Variants in ATP5PO observed in about 807,000 individuals in gnomAD.
ATP5PO encodes ATP synthase peripheral stalk subunit OSCP, mitochondrial.
ATP5PO carries 14 observed loss-of-function variants against 26.2 expected under a neutral mutation model. The observed-to-expected ratio is 0.53, with a 90% CI of 0.35 to 0.83. The LOEUF is 0.83. ATP5PO is among the 40% of genes least tolerant of loss of function. ATP5PO has a pLI of 0.01. For synonymous variants in ATP5PO, 106 were observed against 95.1 expected (o/e 1.12, Z -0.67); for missense variants, 241 against 258.5 (o/e 0.93, Z 0.46).
chr21:33,909,338 T>A, intron 3 of ATP5PO, 127 bp from the exon 4 acceptor site: 2 of 1,050,226 alleles, frequency 1.9e-6, no homozygotes, highest in Non-Finnish European at 2.7e-6. Context: ...TGGAGTGCAG[T>A]GGCGCAATCT....
chr21:33,914,066 C>G (rs1029298452), intron 2 of ATP5PO, among the ~76,000 whole-genome samples: 12 of 152,096 alleles, frequency 7.9e-5, no homozygotes, highest in African/African-American at 2.9e-4. Context: ...GCGTGAGCCA[C>G]CGCGCCCAGC....
intron 3 of ATP5PO, among the ~76,000 whole-genome samples, 177 bp from the exon 4 acceptor site, chr21:33,909,388 T>A (rs1393372363): frequency 6.6e-6 from 1 of 152,126 alleles, no homozygotes; most frequent in African/African-American, 2.4e-5. Context: ...CAAGCGATTA[T>A]CCTGCCTCAG....
In ATP5PO at chr21:33,907,419, G is replaced by C. The variant is rs1309588081; in HGVS notation, c.363C>G (p.Thr121=). Residue 121 remains threonine (T), a synonymous_variant, in exon 5 of 7, where the codon ACC becomes ACG. Coordinates refer to ENST00000290299, the MANE Select transcript of ATP5PO (RefSeq NM_001697.3). The part of the protein sequence containing the change: ...LLAENGRLSN[T]QGVVSAFSTM... ...TAGAAAAGGCAGAAACGACTCCTTGGGTATTGCTTAATCGACCATTTTCAG... is the reference window on the plus strand; with the variant it reads ...TAGAAAAGGCAGAAACGACTCCTTGCGTATTGCTTAATCGACCATTTTCAG... 3.1e-6 allele frequency: 5 copies of C among 1,613,966 alleles called. No homozygotes were observed. The highest frequency in any genetic ancestry group is 1.7e-5 in the Admixed American group (1 of 59,994).
At position 33,907,187 on chromosome 21, in the gene ATP5PO, G is replaced by A. The variant is rs113827617; in HGVS notation, c.441+154C>T. The A allele has an allele frequency of 1.8e-3, 1,204 of 652,406 alleles. 20 individuals are homozygous for A. In the African/African-American group the frequency reaches 0.019, roughly 10 times the overall value. The allele number at this position is 652,406 out of a possible 1,614,324, so 40.4% of individuals were successfully genotyped here. ...CACGCTGGCTTTTCCAAAGCAAAGG[G>A]TCACAGAAGCTGATATAAAAATGAA... On this transcript the variant is annotated intron_variant, in intron 5 of 6. Transcript: ENST00000290299.
chr21:33,911,892 A>G (rs1987254795), intron 3 of ATP5PO, among the ~76,000 whole-genome samples: 1 of 151,946 alleles, frequency 6.6e-6, no homozygotes, highest in African/African-American at 2.4e-5. Context: ...TCTTGAACTC[A>G]TGACCTCCTG....
At chr21:33,915,518 C>A in intron 1 of ATP5PO, 1 of 669,758 alleles carries the variant, frequency 1.5e-6, no homozygotes, top group Non-Finnish European at 2.4e-6. Context: ...GCCAAGGTTA[C>A]GGCACGCGCA....
intron 1 of ATP5PO, 162 bp from the exon 2 acceptor site, chr21:33,914,662 G>A (rs1987290981): frequency 1.7e-6 from 1 of 598,016 alleles, no homozygotes; most frequent in Non-Finnish European, 2.8e-6. Context: ...TATTACTAAG[G>A]GGTAAACTTA....
intron 3 of ATP5PO, among the ~76,000 whole-genome samples, chr21:33,911,600 A>G (rs1252430557): frequency 1.3e-5 from 2 of 152,116 alleles, no homozygotes; most frequent in Non-Finnish European, 2.9e-5. Context: ...AGGTTTCATG[A>G]AAACAAATTC....
chr21:33,908,166 G>C (rs890967320), intron 4 of ATP5PO, among the ~76,000 whole-genome samples: 5 of 89,798 alleles, frequency 5.6e-5, no homozygotes, highest in South Asian at 4.2e-4. Flanking sequence ...GGACACCCAG[G>C]CTCAAAAAAA....
rs1987130986 is a variant in ATP5PO, at chr21:33,903,634, A to C, written c.534T>G (p.Asp178Glu). ...GQVLKLEAKT[D>E]PSILGGMIVR... Reference sequence around the variant, plus strand: ...CAATCATTCCACCCAAGATTGACGGATCAGTCTACAAAAGAAGTAAGACTG... The same window carrying C: ...CAATCATTCCACCCAAGATTGACGGCTCAGTCTACAAAAGAAGTAAGACTG... The change falls in exon 7 of 7, where the codon GAT (aspartate) becomes GAG (glutamate). Residue 178 changes from aspartate (D) to glutamate (E), a missense_variant. By Grantham distance (45) the Asp-to-Glu change is conservative (BLOSUM62 2). Coordinates refer to ENST00000290299, the MANE Select transcript of ATP5PO (RefSeq NM_001697.3). 2 of 1,613,934 alleles carry C rather than the reference A, an allele frequency of 1.2e-6. No homozygotes were observed. The highest frequency in any genetic ancestry group is 1.7e-6 in the Non-Finnish European group (2 of 1,179,916).
intron 1 of ATP5PO, 84 bp from the exon 2 acceptor site, chr21:33,914,584 A>G (rs888707454): frequency 4.9e-5 from 62 of 1,269,288 alleles, no homozygotes; most frequent in Non-Finnish European, 4.2e-5. Context: ...AAAAATTTTA[A>G]ATAACCTTAA....
intron 3 of ATP5PO, among the ~76,000 whole-genome samples, chr21:33,911,788 G>C (rs369628514): frequency 6.8e-6 from 1 of 146,530 alleles, no homozygotes; most frequent in Non-Finnish European, 1.5e-5. Context: ...CTCAGCCTCC[G>C]GAGTAGCTGG....
rs1338570607 is a variant in ATP5PO, at chr21:33,915,783, G to C, written c.-20C>G. The C allele has an allele frequency of 1.3e-6, 2 of 1,562,404 alleles. No individual in the cohort carries two copies. Among genetic ancestry groups the C allele is most frequent in the East Asian group, 2.4e-5 (1 of 42,390 alleles). The stretch of plus-strand genomic sequence containing the variant: ...AGCCATCTTCTCCCGGGCGGCTGTA[G>C]GTCAAACCCGAGTGGGAAGAGAGAA... On this transcript the variant is annotated 5_prime_UTR_variant, in exon 1 of 7. Coordinates refer to ENST00000290299, the MANE Select transcript of ATP5PO (RefSeq NM_001697.3).
At chr21:33,913,841 A>G (rs1009155161) in intron 2 of ATP5PO, among the ~76,000 whole-genome samples, 1 of 151,840 alleles carries the variant, frequency 6.6e-6, no homozygotes, top group African/African-American at 2.4e-5. Flanking sequence ...GTGCAGTGGC[A>G]TGATCTCTGC....
intron 5 of ATP5PO, chr21:33,906,718 T>C (rs539808633): frequency 8.8e-6 from 4 of 456,256 alleles, no homozygotes; most frequent in Middle Eastern, 3.3e-4. Context: ...CCAGGTGTGG[T>C]AGCTTACACC....
At chr21:33,904,814 T>G (rs1987147471) in intron 5 of ATP5PO, among the ~76,000 whole-genome samples, 1 of 152,126 alleles carries the variant, frequency 6.6e-6, no homozygotes, top group Admixed American at 6.5e-5. Flanking sequence ...GATCTCGGCT[T>G]ACTGTAGCCT....
chr21:33,904,569 G>A (rs1448211666), intron 5 of ATP5PO, among the ~76,000 whole-genome samples: 1 of 152,202 alleles, frequency 6.6e-6, no homozygotes, highest in Non-Finnish European at 1.5e-5. Flanking sequence ...ACCCCAGTGA[G>A]AGAACCTGGA....
At position 33,915,778 on chromosome 21, in the gene ATP5PO, C is replaced by G; in HGVS notation, c.-15G>C. On this transcript the variant is annotated 5_prime_UTR_variant, in exon 1 of 7. Coordinates refer to ENST00000290299, the MANE Select transcript of ATP5PO (RefSeq NM_001697.3). ...GGGGCAGCCATCTTCTCCCGGGCGGCTGTAGGTCAAACCCGAGTGGGAAGA... is the reference window on the plus strand; with the variant it reads ...GGGGCAGCCATCTTCTCCCGGGCGGGTGTAGGTCAAACCCGAGTGGGAAGA... 2 of 1,565,746 alleles carry G rather than the reference C, an allele frequency of 1.3e-6. No homozygotes were observed. Among genetic ancestry groups the G allele is most frequent in the South Asian group, 2.4e-5 (2 of 84,994 alleles).
intron 1 of ATP5PO, 67 bp from the exon 2 acceptor site, chr21:33,914,567 A>T (rs531517223): frequency 5.6e-5 from 82 of 1,457,130 alleles, no homozygotes; most frequent in South Asian, 2.6e-4. Flanking sequence ...TTAACTCAAT[A>T]ACAACAAAAA....
Sources: gnomAD v4.1 joint callset for allele counts (sites outside exome capture counted in the v4.1 genomes callset) on GRCh38, gnomAD v4.1.1 for gene constraint, MANE v1.5 for transcripts, NCBI Gene and HGNC (gene_info 2026-07-23, HGNC 2026-07-21) for gene names.